Variants in NRP1 observed in about 807,000 individuals in gnomAD.
NRP1 encodes neuropilin-1.
Under a neutral mutation model 106.7 loss-of-function variants are expected in NRP1, and 35 were observed. That is an observed-to-expected ratio of 0.33 (90% CI 0.25 to 0.43). The LOEUF (loss-of-function observed/expected upper bound fraction) is 0.43, where lower values mean the gene tolerates loss of function less well. Among genes scored for constraint, NRP1 ranks in the 20% least tolerant of loss-of-function variants. The pLI, the probability that NRP1 is intolerant of heterozygous loss-of-function variation, is 1.00. For synonymous variants in NRP1, 437 were observed against 417.9 expected (o/e 1.05, Z -0.56); for missense variants, 1,024 against 1,170.4 (o/e 0.87, Z 1.83).
intron 4 of NRP1, among the ~76,000 whole-genome samples, chr10:33,260,530 G>A (rs1434617826): frequency 2.6e-5 from 4 of 152,240 alleles, no homozygotes; most frequent in East Asian, 1.9e-4. Context: ...CATCAGCACC[G>A]ATGTGACGTG....
chr10:33,213,863 CT>C (rs1838532825), intron 8 of NRP1, 146 bp from the exon 9 acceptor site: 2 of 692,200 alleles, frequency 2.9e-6, no homozygotes. Context: ...TACAGTAAAT[CT>C]TTCCTCCCTC....
At chr10:33,322,486 C>T (rs769970961) in intron 2 of NRP1, among the ~76,000 whole-genome samples, 9 of 152,048 alleles carry the variant, frequency 5.9e-5, no homozygotes, top group Non-Finnish European at 8.8e-5. Context: ...CTGGCCTAAG[C>T]GATCTTCCTG....
At chr10:33,256,156 C>T (rs1774256104) in intron 5 of NRP1, among the ~76,000 whole-genome samples, 160 bp downstream of exon 5, 1 of 152,164 alleles carries the variant, frequency 6.6e-6, no homozygotes, top group South Asian at 2.1e-4. Flanking sequence ...AACAGTTCTT[C>T]CTATTGATAC....
intron 2 of NRP1, among the ~76,000 whole-genome samples, chr10:33,320,190 G>A (rs1847392802): frequency 1.3e-5 from 2 of 151,896 alleles, no homozygotes; most frequent in Non-Finnish European, 2.9e-5. Context: ...GCGTGTGCCT[G>A]TAGTCCCAGC....
intron 2 of NRP1, among the ~76,000 whole-genome samples, chr10:33,275,266 A>G (rs1226759290): frequency 6.6e-6 from 1 of 152,200 alleles, no homozygotes; most frequent in Non-Finnish European, 1.5e-5. Context: ...GTCAAATACC[A>G]TGGAATATTA....
At chr10:33,321,294 A>C (rs1192466889) in intron 2 of NRP1, among the ~76,000 whole-genome samples, 1 of 152,150 alleles carries the variant, frequency 6.6e-6, no homozygotes, top group Non-Finnish European at 1.5e-5. Flanking sequence ...AGAAATTTAC[A>C]TTTTATTTTA....
At chr10:33,310,151 G>A (rs554283598) in intron 2 of NRP1, among the ~76,000 whole-genome samples, 6 of 149,572 alleles carry the variant, frequency 4.0e-5, no homozygotes, top group Admixed American at 1.3e-4. Context: ...GGGTTTCACC[G>A]TGTTAACCAG....
At chr10:33,330,330 T>G (rs1848182493) in intron 2 of NRP1, among the ~76,000 whole-genome samples, 1 of 151,842 alleles carries the variant, frequency 6.6e-6, no homozygotes, top group South Asian at 2.1e-4. Context: ...TGTATATTAG[T>G]GATCCACTGT....
intron 2 of NRP1, among the ~76,000 whole-genome samples, chr10:33,324,894 G>T (rs1054441124): frequency 6.6e-6 from 1 of 152,144 alleles, no homozygotes; most frequent in Admixed American, 6.5e-5. Flanking sequence ...CCTGCCTCTG[G>T]CTCCCAATGT....
At chr10:33,242,364 T>C (rs1841090845) in intron 6 of NRP1, among the ~76,000 whole-genome samples, 1 of 152,204 alleles carries the variant, frequency 6.6e-6, no homozygotes, top group Admixed American at 6.5e-5. Context: ...CTTATAAATA[T>C]ATACAATATT....
intron 6 of NRP1, among the ~76,000 whole-genome samples, chr10:33,232,430 A>G (rs1160741368): frequency 6.6e-6 from 1 of 152,162 alleles, no homozygotes; most frequent in Non-Finnish European, 1.5e-5. Context: ...CTTCTGTTTA[A>G]CATTAAGGGT....
At chr10:33,324,895 C>T (rs1439039426) in intron 2 of NRP1, among the ~76,000 whole-genome samples, 1 of 152,220 alleles carries the variant, frequency 6.6e-6, no homozygotes, top group Non-Finnish European at 1.5e-5. Flanking sequence ...CTGCCTCTGG[C>T]TCCCAATGTT....
At chr10:33,232,747 A>G (rs1840255860) in intron 6 of NRP1, among the ~76,000 whole-genome samples, 1 of 149,988 alleles carries the variant, frequency 6.7e-6, no homozygotes, top group Non-Finnish European at 1.5e-5. Flanking sequence ...GGTTCAAGCA[A>G]TTCTCCTGCC....
intron 9 of NRP1, chr10:33,212,999 G>A (rs531238010): frequency 1.2e-4 from 62 of 530,274 alleles, no homozygotes; most frequent in Non-Finnish European, 1.9e-4. Flanking sequence ...AAGAAACAAA[G>A]CACTTAAACT....
intron 6 of NRP1, among the ~76,000 whole-genome samples, chr10:33,250,783 T>A (rs1841799698): frequency 6.6e-6 from 1 of 152,142 alleles, no homozygotes. Flanking sequence ...AATATTCAAG[T>A]ACTTAGGACA....
At chr10:33,303,977 G>A (rs566056025) in intron 2 of NRP1, among the ~76,000 whole-genome samples, 2 of 152,316 alleles carry the variant, frequency 1.3e-5, no homozygotes, top group East Asian at 3.9e-4. Context: ...AATAAGAAAT[G>A]TAGGTTCTGA....
chr10:33,213,417 A>T lies in NRP1; in HGVS notation c.1583T>A (p.Met528Lys). The stretch of plus-strand genomic sequence containing the variant: ...CTTGCGTTTGCTGTCATCCATGATC[A>T]TCTTCCAGTCCGAGCCGTTGTTGCT... The part of the protein sequence containing the change: ...GYSNNGSDWK[M>K]IMDDSKRKAK... Residue 528 changes from methionine to lysine, a missense_variant, in exon 9 of 17, where the codon ATG becomes AAG. Transcript: ENST00000374867. 6.2e-7 allele frequency: 1 copy of T among 1,613,562 alleles called. No homozygotes were observed. The highest frequency in any genetic ancestry group is 8.5e-7 in the Non-Finnish European group (1 of 1,179,964).
chr10:33,249,833 G>A (rs1841719166), intron 6 of NRP1, among the ~76,000 whole-genome samples: 1 of 151,864 alleles, frequency 6.6e-6, no homozygotes, highest in African/African-American at 2.4e-5. Flanking sequence ...TAAGCTTTCT[G>A]GCAGACAACG....
chr10:33,258,180 CT>C (rs1432036435), intron 4 of NRP1, among the ~76,000 whole-genome samples: 1 of 152,178 alleles, frequency 6.6e-6, no homozygotes, highest in African/African-American at 2.4e-5. Flanking sequence ...ATCGGAGCCA[CT>C]GTTTCGTGGA....
Sources: allele counts gnomAD v4.1 joint callset (sites outside exome capture counted in the v4.1 genomes callset), GRCh38; gene constraint gnomAD v4.1.1; transcripts MANE v1.5; gene names NCBI Gene and HGNC (gene_info 2026-07-23, HGNC 2026-07-21).